TSPAN5: variants seen among roughly 807,000 people sequenced by gnomAD.
TSPAN5 encodes the protein tetraspanin 5.
TSPAN5 carries 10 observed loss-of-function variants against 37.1 expected under a neutral mutation model. The observed-to-expected ratio is 0.27, with a 90% confidence interval of 0.17 to 0.46. TSPAN5 has a LOEUF of 0.46. Among genes scored for constraint, TSPAN5 ranks in the 20% least tolerant of loss-of-function variants. TSPAN5 has a pLI of 1.00. For missense variants in TSPAN5, 195 were observed against 326.6 expected (o/e 0.60, Z 3.11); for synonymous variants, 110 against 118.9 (o/e 0.93, Z 0.48).
chr4:98,551,237 C>G (rs373597995), intron 1 of TSPAN5, among the ~76,000 whole-genome samples: 1 of 152,106 alleles, frequency 6.6e-6, no homozygotes, highest in Non-Finnish European at 1.5e-5. Flanking sequence ...CCCACCTGAT[C>G]ACGGTATAGT....
intron 2 of TSPAN5, among the ~76,000 whole-genome samples, chr4:98,504,737 T>G (rs991137413): frequency 6.6e-6 from 1 of 152,152 alleles, no homozygotes; most frequent in African/African-American, 2.4e-5. Context: ...TCAGAGAAGT[T>G]AACTCAGTTG....
intron 1 of TSPAN5, among the ~76,000 whole-genome samples, chr4:98,607,363 A>C (rs2110228731): frequency 6.6e-6 from 1 of 152,316 alleles, no homozygotes; most frequent in Middle Eastern, 3.4e-3. Flanking sequence ...GAAAGTGTTG[A>C]GGAATGCGAC....
At chr4:98,527,624 G>A (rs568420915) in intron 1 of TSPAN5, among the ~76,000 whole-genome samples, 2 of 152,332 alleles carry the variant, frequency 1.3e-5, no homozygotes, top group South Asian at 4.1e-4. Flanking sequence ...CATAAAAGAA[G>A]TAACCCACTG....
At chr4:98,605,442 AGACATACCTCTGC>A (rs1383369069) in intron 1 of TSPAN5, among the ~76,000 whole-genome samples, 1 of 152,196 alleles carries the variant, frequency 6.6e-6, no homozygotes, top group African/African-American at 2.4e-5. Flanking sequence ...AGAAGAGCAG[AGACATACCTCTGC>A]CCTGCCCTAC....
At chr4:98,601,197 G>A (rs10029405) in intron 1 of TSPAN5, among the ~76,000 whole-genome samples, 114,192 of 152,094 alleles carry the variant, frequency 0.75, 43,408 homozygotes, top group African/African-American at 0.87. Flanking sequence ...TAGGATTTTC[G>A]GAATGGCAAA....
intron 1 of TSPAN5, among the ~76,000 whole-genome samples, chr4:98,624,606 C>T (rs902242622): frequency 7.9e-5 from 12 of 152,064 alleles, no homozygotes; most frequent in Non-Finnish European, 1.6e-4. Context: ...AAAAATTTTA[C>T]AAAACACTGC....
At chr4:98,586,633 T>C (rs1017557727) in intron 1 of TSPAN5, among the ~76,000 whole-genome samples, 2 of 152,240 alleles carry the variant, frequency 1.3e-5, no homozygotes, top group African/African-American at 4.8e-5. Flanking sequence ...CCTTTGGCAA[T>C]GCAGTTTCCA....
At chr4:98,584,700 C>T (rs2110199652) in intron 1 of TSPAN5, among the ~76,000 whole-genome samples, 1 of 152,254 alleles carries the variant, frequency 6.6e-6, no homozygotes, top group Middle Eastern at 3.4e-3. Flanking sequence ...GTTCTTATCC[C>T]AAGTTTTTAA....
intron 1 of TSPAN5, among the ~76,000 whole-genome samples, chr4:98,626,625 C>T (rs1756607676): frequency 6.6e-6 from 1 of 152,068 alleles, no homozygotes; most frequent in Non-Finnish European, 1.5e-5. Context: ...CCCCTACAGG[C>T]TCCCTCTGCC....
chr4:98,571,575 C>G (rs1048949340), intron 1 of TSPAN5, among the ~76,000 whole-genome samples: 1 of 146,008 alleles, frequency 6.8e-6, no homozygotes, highest in African/African-American at 2.6e-5. Flanking sequence ...TAAAAAAAAA[C>G]CACATACTGT....
intron 1 of TSPAN5, among the ~76,000 whole-genome samples, chr4:98,650,673 CACCCTAATAGCAAT>C (rs1293834340): frequency 6.6e-6 from 1 of 152,190 alleles, no homozygotes; most frequent in African/African-American, 2.4e-5. Flanking sequence ...AGAGTAGCAA[CACCCTAATAGCAAT>C]GAGCACACCA....
chr4:98,636,166 T>C (rs1327044589), intron 1 of TSPAN5, among the ~76,000 whole-genome samples: 9 of 152,176 alleles, frequency 5.9e-5, no homozygotes, highest in Non-Finnish European at 1.2e-4. Context: ...AGTCAAGAAA[T>C]GTAAATAAGG....
chr4:98,513,780 T>C (rs1753665582), intron 1 of TSPAN5, among the ~76,000 whole-genome samples: 1 of 152,160 alleles, frequency 6.6e-6, no homozygotes, highest in South Asian at 2.1e-4. Flanking sequence ...TAAATTTCGG[T>C]TTGTATACTT....
At chr4:98,635,951 C>A (rs1249166172) in intron 1 of TSPAN5, among the ~76,000 whole-genome samples, 2 of 152,050 alleles carry the variant, frequency 1.3e-5, no homozygotes, top group East Asian at 3.9e-4. Context: ...GAAAGAGCAC[C>A]CAAAGGGTAT....
intron 1 of TSPAN5, among the ~76,000 whole-genome samples, chr4:98,616,867 A>ATTTTT (rs1560561293): frequency 4.7e-5 from 4 of 84,270 alleles, no homozygotes; most frequent in African/African-American, 1.6e-4. Flanking sequence ...GCTCCACGTA[A>ATTTTT]ATTTTTTTTT....
intron 1 of TSPAN5, among the ~76,000 whole-genome samples, chr4:98,559,676 C>T (rs993816168): frequency 1.6e-4 from 24 of 152,314 alleles, no homozygotes; most frequent in African/African-American, 5.8e-4. Context: ...TAACCATAGA[C>T]AAGCCATAGC....
At chr4:98,533,939 T>TGAAAAAAAAAAAA (rs1754165379) in intron 1 of TSPAN5, among the ~76,000 whole-genome samples, 1 of 31,148 alleles carries the variant, frequency 3.2e-5, no homozygotes, top group Non-Finnish European at 5.0e-5. Context: ...TTGTTGATCT[T>TGAAAAAAAAAAAA]AAAAAAAAAA....
rs1753153647 is a variant in TSPAN5, at chr4:98,494,443, T to G, written c.133-7559A>C. ...TGAGGCTTAGGCAGATGAAGTAACC[T>G]GCCTAAGATCGCACTTACTACCTGT... On this transcript the variant is annotated intron_variant, in intron 2 of 7. Transcript: ENST00000305798. Among the ~76,000 whole-genome samples the G allele has an allele frequency of 8.7e-5, 11 of 125,854 alleles. No homozygotes were observed. The South Asian group carries it at 2.8e-3, about 32-fold the overall frequency. 82.6% of individuals were successfully genotyped at this position (125,854 alleles called of 152,430 possible).
At chr4:98,598,422 A>G (rs576715598) in intron 1 of TSPAN5, among the ~76,000 whole-genome samples, 49 of 150,754 alleles carry the variant, frequency 3.3e-4, no homozygotes, top group African/African-American at 1.2e-3. Flanking sequence ...TGGGAGCTGT[A>G]GACCGGAGCT....
Sources: allele counts gnomAD v4.1 joint callset (sites outside exome capture counted in the v4.1 genomes callset), GRCh38; gene constraint gnomAD v4.1.1; transcripts MANE v1.5; gene names NCBI Gene and HGNC (gene_info 2026-07-23, HGNC 2026-07-21).